Variants in TOX observed in about 807,000 individuals in gnomAD.
TOX encodes the protein thymocyte selection associated high mobility group box.
Under a neutral mutation model 53.7 loss-of-function variants are expected in TOX, and 11 were observed. The ratio of observed to expected loss-of-function variants is 0.20; its 90% CI spans 0.13 to 0.34. TOX has a LOEUF of 0.34. Among genes scored for constraint, TOX ranks in the 10% least tolerant of loss-of-function variants. The probability of loss-of-function intolerance (pLI) is 1.00; values close to 1 mark genes in which losing one functional copy is unlikely to be tolerated. For missense variants in TOX, 570 were observed against 664.6 expected, an observed-to-expected ratio of 0.86 and a Z score of 1.56; for synonymous variants, 225 against 245.3, an observed-to-expected ratio of 0.92 and a Z score of 0.77.
At chr8:59,018,149 T>C (rs1360799343) in intron 1 of TOX, among the ~76,000 whole-genome samples, 2 of 152,158 alleles carry the variant, frequency 1.3e-5, no homozygotes, top group Non-Finnish European at 2.9e-5. Context: ...CAACAAAATA[T>C]TTTCAGCCAT....
intron 4 of TOX, among the ~76,000 whole-genome samples, 179 bp from the exon 5 acceptor site, chr8:58,838,490 T>C (rs1810586598): frequency 6.6e-6 from 1 of 152,076 alleles, no homozygotes; most frequent in Non-Finnish European, 1.5e-5. Flanking sequence ...ATATTTCAAG[T>C]AGTCTTCATA....
At chr8:58,998,514 T>TAC (rs1563413332) in intron 1 of TOX, among the ~76,000 whole-genome samples, 1 of 112,360 alleles carries the variant, frequency 8.9e-6, no homozygotes, top group Non-Finnish European at 1.8e-5. Flanking sequence ...TATATATATA[T>TAC]ATATATATAT....
intron 3 of TOX, among the ~76,000 whole-genome samples, chr8:58,930,601 G>C (rs1812240908): frequency 6.6e-6 from 1 of 152,150 alleles, no homozygotes; most frequent in Non-Finnish European, 1.5e-5. Context: ...ACATTCGCTG[G>C]ACCTGAAATG....
chr8:58,889,049 A>T (rs890731716), intron 3 of TOX, among the ~76,000 whole-genome samples: 4 of 152,046 alleles, frequency 2.6e-5, no homozygotes, highest in African/African-American at 9.7e-5. Context: ...CCATATCTAG[A>T]GAATAAAAAT....
At chr8:58,833,328 A>G (rs542629149) in intron 5 of TOX, among the ~76,000 whole-genome samples, 1 of 152,380 alleles carries the variant, frequency 6.6e-6, no homozygotes, top group East Asian at 1.9e-4. Context: ...GTGGCTAAAA[A>G]GGACCCAAGA....
At chr8:58,826,500 T>C (rs1810369927) in intron 6 of TOX, among the ~76,000 whole-genome samples, 1 of 152,120 alleles carries the variant, frequency 6.6e-6, no homozygotes, top group African/African-American at 2.4e-5. Context: ...GCCAATGGCA[T>C]GGGGGCCTGG....
intron 1 of TOX, among the ~76,000 whole-genome samples, chr8:59,013,714 A>G (rs1813957761): frequency 6.6e-6 from 1 of 152,180 alleles, no homozygotes; most frequent in Non-Finnish European, 1.5e-5. Flanking sequence ...TGGCCATCAA[A>G]TAGGTTTCTA....
In TOX at chr8:58,838,187, C is replaced by T. The variant is rs1412196962; in HGVS notation, c.818G>A (p.Arg273His). Residue 273 changes from arginine (R) to histidine (H), a missense_variant, in exon 5 of 9, where the codon CGT (arginine) becomes CAT (histidine). By Grantham distance (29) the Arg-to-His change is conservative. This residue lies in a region of TOX where 49 missense variants were observed against 98.9 expected (regional missense o/e 0.50). Coordinates refer to ENST00000361421, the MANE Select transcript of TOX (RefSeq NM_014729.3). Reference sequence around the variant, plus strand: ...GCCCTTGATGGCGGCCTGAGTATCACGAAAGAATAACGCATAGGCAGACAC... The same window carrying T: ...GCCCTTGATGGCGGCCTGAGTATCATGAAAGAATAACGCATAGGCAGACAC... ...KPVSAYALFF[R>H]DTQAAIKGQN... 3 of 1,614,170 alleles carry T rather than the reference C, an allele frequency of 1.9e-6. No individual in the cohort carries two copies. Among genetic ancestry groups the T allele is most frequent in the Non-Finnish European group, 1.7e-6 (2 of 1,180,012 alleles).
chr8:58,838,056 T>G, intron 5 of TOX, 25 bp downstream of exon 5: 1 of 1,607,226 alleles, frequency 6.2e-7, no homozygotes, highest in Non-Finnish European at 8.5e-7. Flanking sequence ...TTATGTAGAT[T>G]CCCATTCCAC....
intron 7 of TOX, among the ~76,000 whole-genome samples, chr8:58,811,467 G>A (rs984915363): frequency 2.6e-5 from 4 of 152,168 alleles, no homozygotes; most frequent in Non-Finnish European, 2.9e-5. Context: ...GAGCAAGTCC[G>A]AAAAAGCCTG....
intron 1 of TOX, among the ~76,000 whole-genome samples, chr8:59,115,093 T>C (rs990679572): frequency 1.3e-5 from 2 of 152,060 alleles, no homozygotes; most frequent in African/African-American, 4.8e-5. Context: ...GCATGAAGCA[T>C]GGGTTTGTGT....
intron 1 of TOX, among the ~76,000 whole-genome samples, chr8:59,113,461 A>G (rs1438244583): frequency 6.6e-6 from 1 of 152,230 alleles, no homozygotes; most frequent in African/African-American, 2.4e-5. Context: ...TGGGATTTCA[A>G]AAAGCAGATA....
chr8:58,931,965 GATA>G (rs1812262316), intron 3 of TOX, among the ~76,000 whole-genome samples: 1 of 152,032 alleles, frequency 6.6e-6, no homozygotes, highest in Admixed American at 6.6e-5. Flanking sequence ...TCTAGTTTGG[GATA>G]ATATTTTATT....
chr8:59,099,680 T>A (rs1487879801), intron 1 of TOX, among the ~76,000 whole-genome samples: 1 of 152,180 alleles, frequency 6.6e-6, no homozygotes, highest in African/African-American at 2.4e-5. Context: ...AGGAAACACA[T>A]AAGGTGATTA....
intron 3 of TOX, among the ~76,000 whole-genome samples, chr8:58,871,896 C>T (rs1811204635): frequency 6.6e-6 from 1 of 152,038 alleles, no homozygotes; most frequent in African/African-American, 2.4e-5. Context: ...ATATATCTCC[C>T]TAATCTGCCA....
intron 1 of TOX, among the ~76,000 whole-genome samples, chr8:58,995,055 T>C (rs1472894547): frequency 6.6e-6 from 1 of 152,186 alleles, no homozygotes; most frequent in African/African-American, 2.4e-5. Context: ...TCAATGAACA[T>C]GTCCTTATTT....
chr8:59,076,068 G>A (rs1804288334), intron 1 of TOX, among the ~76,000 whole-genome samples: 1 of 151,800 alleles, frequency 6.6e-6, no homozygotes, highest in African/African-American at 2.4e-5. Flanking sequence ...AGCTCAGGAA[G>A]TCAGAGAGAA....
intron 1 of TOX, among the ~76,000 whole-genome samples, chr8:59,108,655 AACACACACACACAC>A (rs3084429): frequency 5.5e-4 from 81 of 147,548 alleles, no homozygotes; most frequent in African/African-American, 2.0e-3. Context: ...TCATAAAGGA[AACACACACACACAC>A]ACACACACAC....
At chr8:59,047,520 G>C (rs907421190) in intron 1 of TOX, among the ~76,000 whole-genome samples, 1 of 151,804 alleles carries the variant, frequency 6.6e-6, no homozygotes, top group South Asian at 2.1e-4. Flanking sequence ...CACCGCGCCC[G>C]GCTGAATTGT....
Sources: gnomAD v4.1 joint callset for allele counts (sites outside exome capture counted in the v4.1 genomes callset) on GRCh38, gnomAD v4.1.1 for gene constraint, gnomAD v4.1.1 regional missense constraint, MANE v1.5 for transcripts, NCBI Gene and HGNC (gene_info 2026-07-23, HGNC 2026-07-21) for gene names.